SYT14: variants seen among roughly 807,000 people sequenced by gnomAD.
The protein encoded by SYT14 is synaptotagmin 14, also known as synaptotagmin-14.
Under a neutral mutation model 74.2 loss-of-function variants are expected in SYT14, and 32 were observed. The ratio of observed to expected loss-of-function variants is 0.43; its 90% CI spans 0.33 to 0.58. The LOEUF is 0.58. Ranked by LOEUF, SYT14 falls within the 20% of genes least tolerant of loss-of-function variation. The pLI is 0.05. For missense variants in SYT14, 791 were observed against 981.8 expected, an observed-to-expected ratio of 0.81 and a Z score of 2.60; for synonymous variants, 298 against 337.7, an observed-to-expected ratio of 0.88 and a Z score of 1.29.
chr1:210,030,173 G>A (rs1296094348), intron 5 of SYT14, among the ~76,000 whole-genome samples: 2 of 150,846 alleles, frequency 1.3e-5, no homozygotes, highest in Admixed American at 6.6e-5. Flanking sequence ...ATGGAGTCTC[G>A]CTCTATTGCC....
chr1:210,128,698 T>C (rs12739243), intron 7 of SYT14, among the ~76,000 whole-genome samples: 27,737 of 152,170 alleles, frequency 0.18, 2,945 homozygotes, highest in East Asian at 0.23. Context: ...CAGAATCTTA[T>C]GGAATACGAA....
chr1:210,095,550 A>G (rs1339072853), intron 6 of SYT14, among the ~76,000 whole-genome samples: 2 of 152,186 alleles, frequency 1.3e-5, no homozygotes, highest in African/African-American at 4.8e-5. Flanking sequence ...CACTGCACCC[A>G]GCCTACTTAA....
intron 5 of SYT14, among the ~76,000 whole-genome samples, chr1:210,057,805 A>G (rs2081127932): frequency 6.6e-6 from 1 of 152,154 alleles, no homozygotes; most frequent in South Asian, 2.1e-4. Flanking sequence ...TTCATGTTTG[A>G]CAGCTAGCTA....
chr1:209,972,392 G>C (rs1426391235), intron 2 of SYT14, among the ~76,000 whole-genome samples: 2 of 151,744 alleles, frequency 1.3e-5, no homozygotes, highest in East Asian at 3.9e-4. Context: ...CTTTTTTTCT[G>C]CTGCCTTTCA....
intron 5 of SYT14, among the ~76,000 whole-genome samples, chr1:210,026,028 T>A (rs2080404041): frequency 6.6e-6 from 1 of 152,114 alleles, no homozygotes; most frequent in South Asian, 2.1e-4. Context: ...CTAGAAAAAG[T>A]AGGAAAATGT....
intron 2 of SYT14, among the ~76,000 whole-genome samples, chr1:209,978,715 A>C (rs961966115): frequency 2.6e-5 from 4 of 152,214 alleles, no homozygotes; most frequent in African/African-American, 9.6e-5. Context: ...TGGGAGAACC[A>C]CTACTCTCTT....
rs149258260 is a variant in SYT14, at chr1:210,009,264, A to G, written c.-485-4369A>G. On this transcript the variant is annotated intron_variant, in intron 2 of 9. Coordinates refer to ENST00000637265, the Ensembl canonical transcript of SYT14. ...TTACTGGCTGACTTCTGGTATCATAATGTATTTGAAATAATAAATATTAGT... is the reference window on the plus strand; with the variant it reads ...TTACTGGCTGACTTCTGGTATCATAGTGTATTTGAAATAATAAATATTAGT... Among the ~76,000 whole-genome samples, 177 of 152,294 alleles carry G rather than the reference A, an allele frequency of 1.2e-3. 1 individual carries two copies. Among genetic ancestry groups the G allele is most frequent in the African/African-American group, 4.0e-3 (165 of 41,574 alleles).
At chr1:209,988,417 A>C (rs1298508569) in intron 2 of SYT14, among the ~76,000 whole-genome samples, 1 of 152,052 alleles carries the variant, frequency 6.6e-6, no homozygotes, top group African/African-American at 2.4e-5. Context: ...TTTCTGAGTC[A>C]GTTTCGATTG....
chr1:209,969,221 C>CT (rs941916761), intron 2 of SYT14, among the ~76,000 whole-genome samples: 18 of 151,912 alleles, frequency 1.2e-4, no homozygotes, highest in African/African-American at 4.4e-4. Flanking sequence ...GTGCATATGC[C>CT]TTTTTTGGGA....
chr1:209,950,963 T>C (rs2078902516), intron 1 of SYT14, among the ~76,000 whole-genome samples: 1 of 152,196 alleles, frequency 6.6e-6, no homozygotes, highest in Non-Finnish European at 1.5e-5. Context: ...AAGAAATATG[T>C]CTACATGGTA....
chr1:209,939,314 T>C (rs988867803), intron 1 of SYT14, among the ~76,000 whole-genome samples: 6 of 152,282 alleles, frequency 3.9e-5, no homozygotes, highest in Non-Finnish European at 8.8e-5. Context: ...TCATTATTTC[T>C]CTACATTGAA....
chr1:210,108,310 A>G (rs575695012), intron 7 of SYT14, among the ~76,000 whole-genome samples: 4 of 152,344 alleles, frequency 2.6e-5, no homozygotes, highest in Admixed American at 1.3e-4. Context: ...ATGAAAGCCA[A>G]GAATGAAGTT....
intron 5 of SYT14, among the ~76,000 whole-genome samples, chr1:210,029,047 G>A (rs2080472994): frequency 6.6e-6 from 1 of 152,080 alleles, no homozygotes; most frequent in South Asian, 2.1e-4. Context: ...ATCATTTCAT[G>A]TGCTTATTGG....
At chr1:210,084,324 A>G (rs758018871) in intron 5 of SYT14, among the ~76,000 whole-genome samples, 2 of 152,240 alleles carry the variant, frequency 1.3e-5, no homozygotes, top group Non-Finnish European at 2.9e-5. Context: ...TTGTTAGGAA[A>G]CAGACAAGGA....
Position 210,080,330 on chromosome 1 carries a change from A to G in SYT14, c.1313-13992A>G, listed in dbSNP as rs1302135105. Among the ~76,000 whole-genome samples the G allele has an allele frequency of 1.3e-5, 2 of 152,202 alleles. 1 individual carries two copies. The highest frequency in any genetic ancestry group is 3.9e-4 in the East Asian group (2 of 5,192). Reference sequence around the variant, plus strand: ...AATCATAATTTAGAGTCATAATATCATGTAGTCAGATTAGAAGGAAATTTT... The same window carrying G: ...AATCATAATTTAGAGTCATAATATCGTGTAGTCAGATTAGAAGGAAATTTT... On this transcript the variant is annotated intron_variant, in intron 5 of 9. Transcript: ENST00000637265.
Position 210,016,366 on chromosome 1 carries a change from T to C in SYT14, c.363T>C (p.His121=), listed in dbSNP as rs1279940543. 7 of 1,231,980 alleles carry C rather than the reference T, an allele frequency of 5.7e-6. No individual in the cohort carries two copies. In the South Asian group the frequency reaches 2.9e-4, roughly 51 times the overall value. 76.3% of individuals were successfully genotyped at this position (1,231,980 alleles called of 1,614,324 possible). Residue 121 remains histidine (H), a synonymous_variant, in exon 4 of 10, where the codon CAT becomes CAC. Transcript: ENST00000637265. The stretch of plus-strand genomic sequence containing the variant: ...TACATGAAGAAAGAGTATTTAAACA[T>C]GTTAATGATAGGCAACAAACTCTAT...
At chr1:209,990,548 T>TATAC (rs59238920) in intron 2 of SYT14, among the ~76,000 whole-genome samples, 5,629 of 66,982 alleles carry the variant, frequency 0.084, 804 homozygotes, top group Middle Eastern at 0.14. Flanking sequence ...CGTATATATA[T>TATAC]GTATATATAT....
intron 5 of SYT14, among the ~76,000 whole-genome samples, chr1:210,023,634 G>A (rs2080349532): frequency 6.6e-6 from 1 of 152,118 alleles, no homozygotes; most frequent in Non-Finnish European, 1.5e-5. Flanking sequence ...GAGCCACCGT[G>A]CCCAGCTGAC....
chr1:210,012,899 G>A (rs1292769699), intron 2 of SYT14, among the ~76,000 whole-genome samples: 3 of 151,466 alleles, frequency 2.0e-5, no homozygotes, highest in Admixed American at 1.3e-4. Flanking sequence ...ACAGGGTTTC[G>A]CCACATTGGC....
Sources: gnomAD v4.1 joint callset for allele counts (sites outside exome capture counted in the v4.1 genomes callset) on GRCh38, gnomAD v4.1.1 for gene constraint, MANE v1.5 for transcripts, NCBI Gene and HGNC (gene_info 2026-07-23, HGNC 2026-07-21) for gene names.